The following ERC2 variants were observed in gnomAD, a reference collection of about 807,000 sequenced individuals.
ERC2 encodes the protein ERC protein 2.
A neutral mutation model predicts 114.8 loss-of-function variants in ERC2; 42 were observed. The observed-to-expected ratio is 0.37, with a 90% confidence interval of 0.29 to 0.47. The LOEUF (loss-of-function observed/expected upper bound fraction) is 0.47, where lower values mean the gene tolerates loss of function less well. ERC2 is among the 20% of genes least tolerant of loss of function. The pLI is 0.99. For missense variants in ERC2, 939 were observed against 1,150.7 expected (o/e 0.82, Z 2.66); for synonymous variants, 454 against 425.5 (o/e 1.07, Z -0.82).
At chr3:55,636,787 C>A (rs2059974940) in intron 17 of ERC2, among the ~76,000 whole-genome samples, 1 of 152,200 alleles carries the variant, frequency 6.6e-6, no homozygotes, top group South Asian at 2.1e-4. Flanking sequence ...CTGAATCTGG[C>A]CCGCAGCCCT....
In ERC2 at chr3:56,434,400, C is replaced by T. The variant is rs769666433; in HGVS notation, c.608G>A (p.Arg203Gln). ...CATCTGCTCCTTGAGGACAGACATC[C>T]GCGCTGCCTCTTCTTTCCTCAAGAC... is the stretch of plus-strand genomic sequence containing the variant. ...ERVLRKEEAA[R>Q]MSVLKEQMRV... Residue 203 changes from arginine to glutamine, a missense_variant, in exon 2 of 18, where the codon CGG (arginine) becomes CAG (glutamine). Transcript: ENST00000288221. The T allele has an allele frequency of 2.2e-5, 36 of 1,613,756 alleles. No individual in the cohort carries two copies. The highest frequency in any genetic ancestry group is 1.6e-4 in the Middle Eastern group (1 of 6,084).
intron 15 of ERC2, among the ~76,000 whole-genome samples, chr3:55,709,244 G>C (rs552692656): frequency 2.6e-5 from 4 of 152,086 alleles, no homozygotes; most frequent in African/African-American, 7.2e-5. Context: ...CCCTCCGAAA[G>C]AGGCCGTGAG....
intron 17 of ERC2, among the ~76,000 whole-genome samples, chr3:55,553,112 C>G (rs892543282): frequency 6.9e-6 from 1 of 144,778 alleles, no homozygotes; most frequent in Non-Finnish European, 1.5e-5. Context: ...GCCTCCACCT[C>G]CCAGGTTCAA....
intron 14 of ERC2, among the ~76,000 whole-genome samples, chr3:55,836,466 T>C (rs2060889347): frequency 6.6e-6 from 1 of 152,216 alleles, no homozygotes; most frequent in African/African-American, 2.4e-5. Context: ...TACAATTATA[T>C]GATCTTTGAC....
intron 17 of ERC2, among the ~76,000 whole-genome samples, chr3:55,589,675 A>G (rs2057778469): frequency 6.6e-6 from 1 of 152,076 alleles, no homozygotes; most frequent in African/African-American, 2.4e-5. Context: ...TCGTGGACAG[A>G]GGCATGGGAG....
chr3:55,773,434 A>G (rs2068370263), intron 14 of ERC2, among the ~76,000 whole-genome samples: 1 of 152,216 alleles, frequency 6.6e-6, no homozygotes. Flanking sequence ...CTGACTTCAA[A>G]TCTTTCTCTT....
chr3:56,133,344 G>A (rs1276027201), intron 6 of ERC2, among the ~76,000 whole-genome samples: 1 of 152,198 alleles, frequency 6.6e-6, no homozygotes. Flanking sequence ...GGCTGAGGCA[G>A]GAGAATTGCT....
chr3:56,337,544 T>C (rs944125817), intron 2 of ERC2, among the ~76,000 whole-genome samples: 1 of 152,210 alleles, frequency 6.6e-6, no homozygotes, highest in African/African-American at 2.4e-5. Flanking sequence ...CATAAAGCAC[T>C]TAGCTAGTAA....
At chr3:56,228,001 A>G (rs2050364821) in intron 3 of ERC2, among the ~76,000 whole-genome samples, 2 of 152,212 alleles carry the variant, frequency 1.3e-5, no homozygotes, top group Admixed American at 1.3e-4. Context: ...TGACCATGAG[A>G]GAAGAAGTCA....
At chr3:55,573,907 C>T (rs949187326) in intron 17 of ERC2, among the ~76,000 whole-genome samples, 3 of 152,052 alleles carry the variant, frequency 2.0e-5, no homozygotes, top group Non-Finnish European at 4.4e-5. Flanking sequence ...TTGATGAGGG[C>T]ACTTGATGTA....
intron 16 of ERC2, among the ~76,000 whole-genome samples, chr3:55,698,539 T>G (rs895732872): frequency 7.9e-5 from 12 of 152,020 alleles, no homozygotes; most frequent in Admixed American, 1.3e-4. Context: ...TCCAAAGGAG[T>G]GCATACTTAT....
chr3:55,549,883 C>T (rs1353864717), intron 17 of ERC2, among the ~76,000 whole-genome samples: 1 of 151,798 alleles, frequency 6.6e-6, no homozygotes, highest in Non-Finnish European at 1.5e-5. Context: ...ACCACCACCT[C>T]CTTTCTCTCT....
chr3:56,333,811 G>A (rs1359432701), intron 2 of ERC2, among the ~76,000 whole-genome samples: 2 of 152,050 alleles, frequency 1.3e-5, no homozygotes, highest in South Asian at 2.1e-4. Flanking sequence ...AATCATCCCA[G>A]AGATGTGAGA....
At chr3:56,430,703 C>T (rs1035840732) in intron 2 of ERC2, among the ~76,000 whole-genome samples, 1 of 152,108 alleles carries the variant, frequency 6.6e-6, no homozygotes, top group Non-Finnish European at 1.5e-5. Context: ...GTGGGAGGAG[C>T]GATTGAGCCC....
chr3:55,745,173 G>C (rs1175745929), intron 14 of ERC2, among the ~76,000 whole-genome samples: 7 of 152,184 alleles, frequency 4.6e-5, no homozygotes, highest in Non-Finnish European at 1.0e-4. Flanking sequence ...ACAGACTTTG[G>C]AGAGGAGTCT....
chr3:55,832,033 G>A (rs752478745), intron 14 of ERC2, among the ~76,000 whole-genome samples: 4 of 152,234 alleles, frequency 2.6e-5, no homozygotes, highest in South Asian at 2.1e-4. Context: ...CAAACTGCAC[G>A]TCAGCAGCGA....
At chr3:55,664,239 G>T (rs2061263179) in intron 17 of ERC2, among the ~76,000 whole-genome samples, 1 of 152,086 alleles carries the variant, frequency 6.6e-6, no homozygotes, top group Non-Finnish European at 1.5e-5. Flanking sequence ...AATGGAATCA[G>T]AATCTGTATT....
intron 1 of ERC2, among the ~76,000 whole-genome samples, chr3:56,464,569 G>C (rs2063456994): frequency 1.3e-5 from 2 of 152,220 alleles, no homozygotes; most frequent in Admixed American, 6.5e-5. Context: ...ATATATGTTA[G>C]CATGTCTTAT....
In ERC2 at chr3:56,434,563, C is replaced by G. The variant is rs757556478; in HGVS notation, c.445G>C (p.Asp149His). 1.5e-5 allele frequency: 24 copies of G among 1,613,964 alleles called. No individual in the cohort carries two copies. The highest frequency in any genetic ancestry group is 1.9e-5 in the Non-Finnish European group (22 of 1,179,888). Residue 149 changes from aspartate (D) to histidine (H), a missense_variant, in exon 2 of 18, where the codon GAT becomes CAT. Asp to His is a moderately conservative substitution (Grantham distance 81, BLOSUM62 -1). Around this residue, in one of 5 missense-constraint regions of ERC2, gnomAD observed 281 missense variants for 307.4 expected, o/e 0.91. Coordinates refer to ENST00000288221, the MANE Select transcript of ERC2 (RefSeq NM_015576.3). ...AGTTCTTTCAGCTGGGCCTGAAGAT[C>G]TAACATTGTGCTGTCTCTTACCTGC... The part of the protein sequence containing the change: ...LRQVRDSTML[D>H]LQAQLKELQR...
Sources: gnomAD v4.1 joint callset for allele counts (sites outside exome capture counted in the v4.1 genomes callset) on GRCh38, gnomAD v4.1.1 for gene constraint, gnomAD v4.1.1 regional missense constraint, MANE v1.5 for transcripts, NCBI Gene and HGNC (gene_info 2026-07-23, HGNC 2026-07-21) for gene names.